PANK4: variants seen among roughly 807,000 people sequenced by gnomAD.
PANK4 encodes pantothenate kinase 4 (inactive), also known as 4'-phosphopantetheine phosphatase.
A neutral mutation model predicts 87.9 loss-of-function variants in PANK4; 40 were observed. That is an observed-to-expected ratio of 0.46 (90% CI 0.35 to 0.59). The LOEUF is 0.59. Among genes scored for constraint, PANK4 ranks in the 20% least tolerant of loss-of-function variants. The pLI, the probability that PANK4 is intolerant of heterozygous loss-of-function variation, is 0.00. For synonymous variants in PANK4, 524 were observed against 467.4 expected (o/e 1.12, Z -1.56); for missense variants, 926 against 1,072.3 (o/e 0.86, Z 1.90).
chr1:2,521,990 TTTTC>T (rs1557448400), intron 1 of PANK4, 190 bp from the exon 2 acceptor site: 2 of 592,908 alleles, frequency 3.4e-6, no homozygotes, highest in Non-Finnish European at 6.1e-6. Flanking sequence ...AAATCTACAC[TTTTC>T]TTTCTCAAAT....
Position 2,520,325 on chromosome 1 carries a change from C to T in PANK4, c.696G>A (p.Thr232=), listed in dbSNP as rs1210711092. 5.0e-6 allele frequency: 8 copies of T among 1,612,556 alleles called. No individual in the cohort carries two copies. The highest frequency in any genetic ancestry group is 2.7e-5 in the African/African-American group (2 of 74,914). The change falls in exon 5 of 19, where the codon ACG becomes ACA. Residue 232 remains threonine (T), a synonymous_variant. Coordinates refer to ENST00000378466, the MANE Select transcript of PANK4 (RefSeq NM_018216.4). The surrounding 1 kb of genome is among the most constrained non-coding windows in gnomAD (Gnocchi z 6.2). ...FWGLGALLTK[T]KKFDELLHLA... is the part of the protein sequence containing the mutation. ...GTCTCTGGCAGCTGCCGCATACCTT[C>T]GTTTTGGTGAGCAGAGCGCCAAGCC...
rs919702112 is a variant in PANK4 at position 2,525,989 on chromosome 1, C to T, written c.124+475G>A. 27 of 152,288 alleles carry T rather than the reference C, an allele frequency of 1.8e-4. 1 individual carries two copies. The allele number at this position is 152,288 out of a possible 1,614,324, so 9.4% of individuals were successfully genotyped here. ...GCGGGAACGCGCGGCCTTTTCGGGG[C>T]CACTCTGCCAAGGGCTTCCCGCCGA... On this transcript the variant is annotated intron_variant, in intron 1 of 18. Transcript: ENST00000378466.
rs914626807 is a variant in PANK4, at chr1:2,520,226, G to A, written c.699+96C>T. On this transcript the variant is annotated intron_variant, in intron 5 of 18. Transcript: ENST00000378466. This position sits in a 1 kb window ranked among gnomAD's most constrained non-coding sequence, Gnocchi z 6.2. Reference sequence around the variant, plus strand: ...CTGACGCGAGTCAGGAGGGAGGCCCGGAAGCAGCTTTTGCACCGCCCAGCT... The same window carrying A: ...CTGACGCGAGTCAGGAGGGAGGCCCAGAAGCAGCTTTTGCACCGCCCAGCT... The A allele has an allele frequency of 2.9e-5, 34 of 1,184,182 alleles. No homozygotes were observed. The highest frequency in any genetic ancestry group is 1.5e-4 in the African/African-American group (10 of 66,680). 73.4% of individuals were successfully genotyped at this position (1,184,182 alleles called of 1,614,324 possible).
chr1:2,521,661 G>T, intron 2 of PANK4, 57 bp downstream of exon 2: 1 of 1,336,984 alleles, frequency 7.5e-7, no homozygotes, highest in Non-Finnish European at 1.1e-6. Context: ...CAAGTGCCAG[G>T]TCCAAGACGA....
chr1:2,510,340 G>T lies in PANK4; in HGVS notation c.1939-183C>A. ...TTGCCACTCTGTGGCCCCTGGGAGG[G>T]AGCTGAGCCGAGGGGCAGAGCTGAG... On this transcript the variant is annotated intron_variant, in intron 16 of 18. Coordinates refer to ENST00000378466, the MANE Select transcript of PANK4 (RefSeq NM_018216.4). The surrounding 1 kb of genome is among the most constrained non-coding windows in gnomAD (Gnocchi z 4.9). 1 of 616,890 alleles carries T rather than the reference G, an allele frequency of 1.6e-6. No homozygotes were observed. The highest frequency in any genetic ancestry group is 2.7e-5 in the Admixed American group (1 of 37,474). 38.2% of individuals were successfully genotyped at this position (616,890 alleles called of 1,614,324 possible).
rs1047531639 is a variant in PANK4 at position 2,518,441 on chromosome 1, G to A, written c.1117+75C>T. ...CCCCACCCCACCTCCACCCTGGGCC[G>A]CCCTGGCCTGGAGCACAGGCCCAGG... On this transcript the variant is annotated intron_variant, in intron 8 of 18. Transcript: ENST00000378466. 47 of 1,332,014 alleles carry A rather than the reference G, an allele frequency of 3.5e-5. No homozygotes were observed. The East Asian group carries it at 7.3e-4, about 21-fold the overall frequency. 82.5% of individuals were successfully genotyped at this position (1,332,014 alleles called of 1,614,324 possible).
chr1:2,509,950 C>G lies in PANK4; in HGVS notation c.2040-20G>C. On this transcript the variant is annotated intron_variant, in intron 17 of 18. Coordinates refer to ENST00000378466, the MANE Select transcript of PANK4 (RefSeq NM_018216.4). The surrounding 1 kb of genome is among the most constrained non-coding windows in gnomAD (Gnocchi z 4.9). ...GCAGAGCTGCCAGATACAAGGTGGTCAGTGCCCCCAGGAGCTCCCAGTTCA... is the reference window on the plus strand; with the variant it reads ...GCAGAGCTGCCAGATACAAGGTGGTGAGTGCCCCCAGGAGCTCCCAGTTCA... 1 of 1,607,250 alleles carries G rather than the reference C, an allele frequency of 6.2e-7. No individual in the cohort carries two copies. The highest frequency in any genetic ancestry group is 1.7e-4 in the Middle Eastern group (1 of 6,046).
chr1:2,521,763 T>C lies in PANK4; in HGVS notation c.162A>G (p.Val54=), dbSNP rs145264731. 9.9e-6 allele frequency: 16 copies of C among 1,613,890 alleles called. No individual in the cohort carries two copies. The highest frequency in any genetic ancestry group is 9.3e-5 in the African/African-American group (7 of 74,928). ...SLTKLAYYST[V]QHKVAKVRSF... is the part of the protein sequence containing the mutation. ...ACCGCACCTTGGCGACTTTGTGCTG[T>C]ACCGTTGAATAGTAGGCCAGCTTGG... The change falls in exon 2 of 19, where the codon GTA becomes GTG. Residue 54 remains valine (V), a synonymous_variant. Transcript: ENST00000378466.
Position 2,510,206 on chromosome 1 carries a change from T to A in PANK4, c.1939-49A>T, listed in dbSNP as rs2100768932. On this transcript the variant is annotated intron_variant, in intron 16 of 18. Transcript: ENST00000378466. This position sits in a 1 kb window ranked among gnomAD's most constrained non-coding sequence, Gnocchi z 4.9. ...TTTAGGAACCTGTGCTGGCCCAGCA[T>A]GGAGCCTGCGTGCACCCCGGCCTTC... 1 of 1,238,438 alleles carries A rather than the reference T, an allele frequency of 8.1e-7. No individual in the cohort carries two copies. The allele number at this position is 1,238,438 out of a possible 1,614,324, so 76.7% of individuals were successfully genotyped here.
chr1:2,521,674 G>C, intron 2 of PANK4, 44 bp downstream of exon 2: 1 of 1,463,022 alleles, frequency 6.8e-7, no homozygotes, highest in Non-Finnish European at 9.6e-7. Context: ...CAAGACGACA[G>C]AGAAGCGGCT....
rs1222379431 is a variant in PANK4 at position 2,509,456 on chromosome 1, C to A, written c.2109-396G>T. Among the ~76,000 whole-genome samples the A allele has an allele frequency of 6.6e-6, 1 of 152,206 alleles. No homozygotes were observed. The highest frequency in any genetic ancestry group is 1.5e-5 in the Non-Finnish European group (1 of 68,032). On this transcript the variant is annotated intron_variant, in intron 18 of 18. Transcript: ENST00000378466. This position sits in a 1 kb window ranked among gnomAD's most constrained non-coding sequence, Gnocchi z 4.9. Reference sequence around the variant, plus strand: ...ATTTAAGGGGTTCCTTCCTCCTCTGCAATCAGGAGGACAGACAGCACCACA... The same window carrying A: ...ATTTAAGGGGTTCCTTCCTCCTCTGAAATCAGGAGGACAGACAGCACCACA...
intron 1 of PANK4, among the ~76,000 whole-genome samples, chr1:2,525,316 G>A (rs1233021015): frequency 6.6e-6 from 1 of 152,104 alleles, no homozygotes; most frequent in African/African-American, 2.4e-5. Flanking sequence ...TTACTGGGCG[G>A]CAAAGACAGG....
At chr1:2,512,579 A>G (rs776741646) in intron 13 of PANK4, 4 of 414,372 alleles carry the variant, frequency 9.7e-6, no homozygotes, top group Non-Finnish European at 1.7e-5. Flanking sequence ...CATAGGAAAC[A>G]TGAATTTGGA....
chr1:2,510,803 G>A lies in PANK4; in HGVS notation c.1834-21C>T, dbSNP rs1389895590. On this transcript the variant is annotated intron_variant, in intron 15 of 18. Transcript: ENST00000378466. The surrounding 1 kb of genome is among the most constrained non-coding windows in gnomAD (Gnocchi z 4.9). ...GGCCCCTGTAAGACAAAACCAGGAC[G>A]TTCAGTTGGGAACAGGCGCATCCAA... 1.8e-5 allele frequency: 25 copies of A among 1,413,318 alleles called. No individual in the cohort carries two copies. The highest frequency in any genetic ancestry group is 3.3e-5 in the Admixed American group (2 of 59,724). The allele number at this position is 1,413,318 out of a possible 1,614,324, so 87.5% of individuals were successfully genotyped here.
rs1643845745 is a variant in PANK4 at position 2,519,401 on chromosome 1, GGA to G, written c.854-79_854-78del. On this transcript the variant is annotated intron_variant, in intron 6 of 18. Coordinates refer to ENST00000378466, the MANE Select transcript of PANK4 (RefSeq NM_018216.4). The surrounding 1 kb of genome is among the most constrained non-coding windows in gnomAD (Gnocchi z 8.3). Reference sequence around the variant, plus strand: ...CATGAGAGCGAGCAGGAGGGGAGGGGGAGAGAGAGCTGAGTGGGAGGGGAGGG... The same window carrying G: ...CATGAGAGCGAGCAGGAGGGGAGGGGGAGAGAGCTGAGTGGGAGGGGAGGG... 2.6e-5 allele frequency: 15 copies of G among 575,046 alleles called. No individual in the cohort carries two copies. The highest frequency in any genetic ancestry group is 1.5e-4 in the African/African-American group (7 of 46,464). 35.6% of individuals were successfully genotyped at this position (575,046 alleles called of 1,614,324 possible).
At position 2,520,270 on chromosome 1, in the gene PANK4, G is replaced by T; in HGVS notation, c.699+52C>A. 6.5e-7 allele frequency: 1 copy of T among 1,533,268 alleles called. No homozygotes were observed. Among genetic ancestry groups the T allele is most frequent in the South Asian group, 1.1e-5 (1 of 89,458 alleles). 95.0% of individuals were successfully genotyped at this position (1,533,268 alleles called of 1,614,324 possible). On this transcript the variant is annotated intron_variant, in intron 5 of 18. Coordinates refer to ENST00000378466, the MANE Select transcript of PANK4 (RefSeq NM_018216.4). The surrounding 1 kb of genome is among the most constrained non-coding windows in gnomAD (Gnocchi z 6.2). ...CCCAGCTGCAGGCCTTCGGGGGAAG[G>T]AAGCAGACATCTCCGCAGACCCCTG...
intron 1 of PANK4, among the ~76,000 whole-genome samples, chr1:2,522,791 C>G (rs11582711): frequency 2.2e-4 from 1 of 4,508 alleles, no homozygotes; most frequent in Non-Finnish European, 4.1e-4. Flanking sequence ...CCGTATGGTG[C>G]TATAGTGACT....
rs778272934 is a variant in PANK4 at position 2,519,196 on chromosome 1, C to T, written c.982G>A (p.Gly328Ser). 1 of 1,612,674 alleles carries T rather than the reference C, an allele frequency of 6.2e-7. No individual in the cohort carries two copies. Among genetic ancestry groups the T allele is most frequent in the Non-Finnish European group, 8.5e-7 (1 of 1,179,912 alleles). ...RVYFGGFFIR[G>S]HPVTMRTITY... is the part of the protein sequence containing the mutation. ...ATGGTGCGCATGGTCACGGGGTGGCCCCGGATAAAGAAGCCTCCAAAGTAC... is the reference window on the plus strand; with the variant it reads ...ATGGTGCGCATGGTCACGGGGTGGCTCCGGATAAAGAAGCCTCCAAAGTAC... The change falls in exon 7 of 19, where the codon GGC (glycine) becomes AGC (serine). Residue 328 changes from glycine (G) to serine (S), a missense_variant. Gly to Ser is a moderately conservative substitution (Grantham distance 56). Transcript: ENST00000378466. The surrounding 1 kb of genome is among the most constrained non-coding windows in gnomAD (Gnocchi z 8.3).
chr1:2,511,012 C>G (rs964978411), intron 15 of PANK4, among the ~76,000 whole-genome samples: 13 of 151,822 alleles, frequency 8.6e-5, no homozygotes, highest in African/African-American at 3.1e-4. Flanking sequence ...CTTCAGGACC[C>G]CAGAGGCACC....
Sources: gnomAD v4.1 joint callset for allele counts (sites outside exome capture counted in the v4.1 genomes callset) on GRCh38, gnomAD v4.1.1 for gene constraint, Gnocchi (gnomAD v3.1) non-coding constraint, MANE v1.5 for transcripts, NCBI Gene and HGNC (gene_info 2026-07-23, HGNC 2026-07-21) for gene names.